IPCEF1: variants seen among roughly 807,000 people sequenced by gnomAD.
IPCEF1 encodes the protein interaction protein for cytohesin exchange factors 1.
In IPCEF1, 31 loss-of-function variants were observed where a neutral mutation model predicts 50.9. That is an observed-to-expected ratio of 0.61 (90% CI 0.46 to 0.82). The LOEUF is 0.82. Among genes scored for constraint, IPCEF1 ranks in the 40% least tolerant of loss-of-function variants. IPCEF1 has a pLI of 0.00. For missense variants in IPCEF1, 458 were observed against 514.0 expected (o/e 0.89, Z 1.05); for synonymous variants, 181 against 192.0 (o/e 0.94, Z 0.47).
chr6:154,224,727 C>A (rs566389943), intron 5 of IPCEF1, among the ~76,000 whole-genome samples: 63 of 151,428 alleles, frequency 4.2e-4, no homozygotes, highest in East Asian at 1.4e-3. Flanking sequence ...AACAAACAAA[C>A]AAAAAAAAGA....
intron 5 of IPCEF1, among the ~76,000 whole-genome samples, chr6:154,243,593 A>C (rs186614785): frequency 1.8e-3 from 280 of 152,308 alleles, no homozygotes; most frequent in African/African-American, 6.4e-3. Flanking sequence ...TGACAATGAG[A>C]TCACATGTAA....
intron 1 of IPCEF1, among the ~76,000 whole-genome samples, chr6:154,354,397 A>AACCACCT (rs1784168563): frequency 1.6e-5 from 1 of 63,068 alleles, no homozygotes; most frequent in Admixed American, 1.6e-4. Flanking sequence ...GTCACCTCCA[A>AACCACCT]CCACCATCTC....
chr6:154,173,486 T>C (rs934559636), intron 10 of IPCEF1, among the ~76,000 whole-genome samples: 3 of 152,216 alleles, frequency 2.0e-5, no homozygotes, highest in African/African-American at 7.2e-5. Flanking sequence ...AATGATCTTT[T>C]GGTGCTGAAA....
chr6:154,252,779 T>C (rs1281718689), intron 3 of IPCEF1, among the ~76,000 whole-genome samples: 2 of 152,002 alleles, frequency 1.3e-5, no homozygotes, highest in South Asian at 2.1e-4. Flanking sequence ...TCCGAGTGGG[T>C]TGAGAGATGA....
At chr6:154,177,325 A>G (rs547686885) in intron 10 of IPCEF1, among the ~76,000 whole-genome samples, 1 of 152,380 alleles carries the variant, frequency 6.6e-6, no homozygotes, top group African/African-American at 2.4e-5. Flanking sequence ...GCACAGCAAA[A>G]GAAACTATCA....
At chr6:154,345,733 ATCTCT>A (rs1302577662) in intron 1 of IPCEF1, among the ~76,000 whole-genome samples, 1 of 152,188 alleles carries the variant, frequency 6.6e-6, no homozygotes, top group Non-Finnish European at 1.5e-5. Context: ...AAAGAAAGAA[ATCTCT>A]TCACTTATCC....
intron 8 of IPCEF1, among the ~76,000 whole-genome samples, chr6:154,213,764 C>T (rs1778154109): frequency 6.6e-6 from 1 of 152,120 alleles, no homozygotes; most frequent in South Asian, 2.1e-4. Flanking sequence ...AAAAATATGG[C>T]CTGTGTCCCA....
At chr6:154,290,893 C>CTTTTTTTTTTTTTTTTTTTTTTTTT (rs3045866) in intron 1 of IPCEF1, among the ~76,000 whole-genome samples, 6 of 127,292 alleles carry the variant, frequency 4.7e-5, no homozygotes, top group African/African-American at 1.6e-4. Flanking sequence ...AATATATTGC[C>CTTTTTTTTTTTTTTTTTTTTTTTTT]TTTTTTTTTT....
chr6:154,349,357 AATTTTATTTT>A (rs150590712), intron 1 of IPCEF1, among the ~76,000 whole-genome samples: 19 of 147,372 alleles, frequency 1.3e-4, no homozygotes, highest in African/African-American at 3.3e-4. Context: ...ACACTTAACT[AATTTTATTTT>A]ATTTTATTTT....
intron 2 of IPCEF1, among the ~76,000 whole-genome samples, chr6:154,275,412 T>C (rs551805476): frequency 2.4e-3 from 367 of 152,306 alleles, no homozygotes; most frequent in Admixed American, 3.8e-3. Context: ...TCCTTCCAGG[T>C]CCCTACTAGG....
intron 5 of IPCEF1, among the ~76,000 whole-genome samples, chr6:154,231,579 T>C (rs184178420): frequency 6.6e-6 from 1 of 152,372 alleles, no homozygotes; most frequent in African/African-American, 2.4e-5. Flanking sequence ...GAGCAATCTC[T>C]AGGACATAGT....
Position 154,246,619 on chromosome 6 carries a change from G to C in IPCEF1, c.218C>G (p.Ser73Trp). 1 of 1,613,692 alleles carries C rather than the reference G, an allele frequency of 6.2e-7. No homozygotes were observed. The highest frequency in any genetic ancestry group is 8.5e-7 in the Non-Finnish European group (1 of 1,179,774). Residue 73 changes from serine (S) to tryptophan (W), a missense_variant, in exon 5 of 12, where the codon TCG (serine) becomes TGG (tryptophan). Coordinates refer to ENST00000367220, the MANE Select transcript of IPCEF1 (RefSeq NM_001130700.2). ...WKKFWVILKG[S>W]SLYWYSNQMA... ...TTGATTGCTATACCAGTACAGTGAC[G>C]ACCCCTTCAGTATCACCCAGAACTT...
At chr6:154,293,050 T>C (rs1458358208) in intron 1 of IPCEF1, among the ~76,000 whole-genome samples, 2 of 152,224 alleles carry the variant, frequency 1.3e-5, no homozygotes, top group Admixed American at 1.3e-4. Flanking sequence ...AGGTAGTTTT[T>C]CTTATTTACT....
intron 1 of IPCEF1, among the ~76,000 whole-genome samples, chr6:154,317,765 C>T (rs181011365): frequency 1.4e-4 from 21 of 149,512 alleles, no homozygotes; most frequent in Admixed American, 1.3e-4. Flanking sequence ...AAAGCTACAA[C>T]CGGTTTTTTT....
chr6:154,296,558 G>A (rs1299414074), intron 1 of IPCEF1, among the ~76,000 whole-genome samples: 1 of 152,118 alleles, frequency 6.6e-6, no homozygotes, highest in Non-Finnish European at 1.5e-5. Context: ...GGCCGGGCGT[G>A]GTGGCTCACG....
In IPCEF1 at chr6:154,246,666, A is replaced by G. The variant is rs1298941117; in HGVS notation, c.171T>C (p.Ser57=). 1.1e-5 allele frequency: 17 copies of G among 1,613,858 alleles called. No homozygotes were observed. Among genetic ancestry groups the G allele is most frequent in the Non-Finnish European group, 1.4e-5 (17 of 1,179,974 alleles). ...ACTTTTTCCATTTGTTGCTTAGGAA[A>G]CTTCCCTTTTCCTTTTTCTTATACA... is the stretch of plus-strand genomic sequence containing the variant. ...GWLYKKKEKG[S]FLSNKWKKFW... is the part of the protein sequence containing the mutation. Residue 57 remains serine, a synonymous_variant, in exon 5 of 12, where the codon AGT becomes AGC. Coordinates refer to ENST00000367220, the MANE Select transcript of IPCEF1 (RefSeq NM_001130700.2).
chr6:154,229,413 G>A (rs190993366), intron 5 of IPCEF1, among the ~76,000 whole-genome samples: 2 of 144,252 alleles, frequency 1.4e-5, no homozygotes, highest in East Asian at 2.1e-4. Context: ...GCAGTGGCGC[G>A]ATCTTGGCTT....
intron 5 of IPCEF1, among the ~76,000 whole-genome samples, chr6:154,241,151 G>A (rs1279499934): frequency 2.0e-5 from 3 of 150,298 alleles, no homozygotes; most frequent in East Asian, 3.9e-4. Flanking sequence ...CAGGAGAATC[G>A]CTTGAACCCG....
intron 10 of IPCEF1, among the ~76,000 whole-genome samples, chr6:154,176,909 C>A (rs1354443134): frequency 6.6e-6 from 1 of 152,136 alleles, no homozygotes; most frequent in Non-Finnish European, 1.5e-5. Context: ...GCCACAGTAA[C>A]CAAAACAGCA....
Sources: gnomAD v4.1 joint callset for allele counts (sites outside exome capture counted in the v4.1 genomes callset) on GRCh38, gnomAD v4.1.1 for gene constraint, MANE v1.5 for transcripts, NCBI Gene and HGNC (gene_info 2026-07-23, HGNC 2026-07-21) for gene names.